Variants in ANXA2 observed in about 807,000 individuals in gnomAD.
The protein encoded by ANXA2 is annexin A2, also known as annexin II.
A neutral mutation model predicts 47.3 loss-of-function variants in ANXA2; 28 were observed. That is an observed-to-expected ratio of 0.59 (90% confidence interval 0.44 to 0.81). The LOEUF is 0.81. ANXA2 is among the 40% of genes least tolerant of loss of function. The pLI, the probability that ANXA2 is intolerant of heterozygous loss-of-function variation, is 0.00. For synonymous variants in ANXA2, 172 were observed against 155.5 expected, an observed-to-expected ratio of 1.11 and a Z score of -0.79; for missense variants, 384 against 414.3, an observed-to-expected ratio of 0.93 and a Z score of 0.64.
In ANXA2 at chr15:60,348,937, T is replaced by C. The variant is rs962486588; in HGVS notation, c.960+138A>G. On this transcript the variant is annotated intron_variant, in intron 12 of 12. Transcript: ENST00000451270. ...TGGTGCTTTCAAAATAAATCCCTGA[T>C]AGTTGATGACTAGCATCTCTTCCCC... is the stretch of plus-strand genomic sequence containing the variant. The C allele has an allele frequency of 2.6e-5, 24 of 909,640 alleles. No homozygotes were observed. In the African/African-American group the frequency reaches 3.6e-4, roughly 14 times the overall value. 56.3% of individuals were successfully genotyped at this position (909,640 alleles called of 1,614,324 possible). A position where few individuals can be genotyped will look rare whatever the true frequency, so the allele number is the denominator to read the frequency against.
chr15:60,369,581 G>C (rs1032086885), intron 3 of ANXA2, among the ~76,000 whole-genome samples: 4 of 152,172 alleles, frequency 2.6e-5, no homozygotes, highest in Non-Finnish European at 5.9e-5. Context: ...GTCAGAATGT[G>C]GTTCTTGGCC....
At chr15:60,393,301 G>C (rs1311397650) in intron 1 of ANXA2, 1 of 1,002,992 alleles carries the variant, frequency 1.0e-6, no homozygotes. Flanking sequence ...GGTTGGAGTG[G>C]GTGGAAAGAG....
intron 1 of ANXA2, chr15:60,394,590 T>G (rs1271673088): frequency 1.3e-5 from 2 of 151,938 alleles, no homozygotes; most frequent in Admixed American, 6.6e-5. Flanking sequence ...TCCCAGCTAC[T>G]CGGGAGGGTG....
At chr15:60,363,029 C>CTAAAAAAA (rs2062539612) in intron 4 of ANXA2, 1 of 74,034 alleles carries the variant, frequency 1.4e-5, no homozygotes, top group Non-Finnish European at 2.4e-5. Context: ...GACCCTGTCA[C>CTAAAAAAA]AAAAAAAAAA....
chr15:60,359,857 G>A (rs530412807), intron 5 of ANXA2, among the ~76,000 whole-genome samples: 1 of 152,306 alleles, frequency 6.6e-6, no homozygotes, highest in Admixed American at 6.5e-5. Context: ...ATCAGCAGAG[G>A]GCAGTGTCGG....
chr15:60,374,969 G>A (rs1044974758), intron 3 of ANXA2, among the ~76,000 whole-genome samples: 1 of 152,172 alleles, frequency 6.6e-6, no homozygotes, highest in Non-Finnish European at 1.5e-5. Flanking sequence ...GCAGCCCTCC[G>A]TTAGAGGAGA....
chr15:60,390,415 T>C (rs1480832845), intron 1 of ANXA2: 2 of 545,326 alleles, frequency 3.7e-6, no homozygotes, highest in African/African-American at 3.9e-5. Context: ...GTAAGAAGTG[T>C]GGCAAGCACC....
In ANXA2 at chr15:60,397,311, A is replaced by C. The variant is rs2140952672; in HGVS notation, c.-12+632T>G. The C allele has an allele frequency of 7.1e-6, 7 of 985,576 alleles. No homozygotes were observed. In the South Asian group the frequency reaches 2.3e-4, roughly 33 times the overall value. 61.1% of individuals were successfully genotyped at this position (985,576 alleles called of 1,614,324 possible). A position where few individuals can be genotyped will look rare whatever the true frequency, so the allele number is the denominator to read the frequency against. ...CGGGAAACTCTCCGGGTAGAGTGAA[A>C]TCCGAAGTTGCTATGCTACAAGATA... On this transcript the variant is annotated intron_variant, in intron 1 of 12. Transcript: ENST00000451270.
rs550800380 is a variant in ANXA2, at chr15:60,380,725, G to A, written c.148+1617C>T. Among the ~76,000 whole-genome samples, 456 of 142,436 alleles carry A rather than the reference G, an allele frequency of 3.2e-3. 2 individuals carry two copies. The highest frequency in any genetic ancestry group is 5.6e-3 in the South Asian group (25 of 4,486). 93.4% of individuals were successfully genotyped at this position (142,436 alleles called of 152,430 possible). A position where few individuals can be genotyped will look rare whatever the true frequency, so the allele number is the denominator to read the frequency against. ...AGGCTGAGGCAGAAGAATCACTTGA[G>A]CCCGGGAGGTGGAGGTTGCAGTGAG... On this transcript the variant is annotated intron_variant, in intron 3 of 12. Transcript: ENST00000451270.
chr15:60,376,679 T>A (rs995712018), intron 3 of ANXA2, among the ~76,000 whole-genome samples: 1 of 152,152 alleles, frequency 6.6e-6, no homozygotes, highest in African/African-American at 2.4e-5. Flanking sequence ...AGAGCAGGTG[T>A]GACTGACAGT....
intron 3 of ANXA2, among the ~76,000 whole-genome samples, chr15:60,380,266 G>A (rs1466943768): frequency 6.6e-6 from 1 of 152,008 alleles, no homozygotes; most frequent in Non-Finnish European, 1.5e-5. Flanking sequence ...ACTTTGATTA[G>A]CACCCCTTTA....
intron 3 of ANXA2, among the ~76,000 whole-genome samples, chr15:60,370,933 T>G (rs2140876022): frequency 6.6e-6 from 1 of 152,184 alleles, no homozygotes; most frequent in East Asian, 1.9e-4. Flanking sequence ...CACAAAGTCA[T>G]CTAAGCAAAG....
chr15:60,349,905 GGGGAAGGCAGGGAGGC>G (rs1895921703), intron 11 of ANXA2, among the ~76,000 whole-genome samples: 5 of 59,430 alleles, frequency 8.4e-5, no homozygotes, highest in Non-Finnish European at 1.1e-4. Flanking sequence ...CAGGGAGGCA[GGGGAAGGCAGGGAGGC>G]AGGGGAAGGC....
At chr15:60,367,854 T>C (rs182245707) in intron 3 of ANXA2, among the ~76,000 whole-genome samples, 71 of 27,306 alleles carry the variant, frequency 2.6e-3, no homozygotes, top group Middle Eastern at 0.019. Context: ...ACAATGGCAG[T>C]TTTGTGGAAT....
chr15:60,375,922 G>A (rs1244754149), intron 3 of ANXA2, among the ~76,000 whole-genome samples: 1 of 152,216 alleles, frequency 6.6e-6, no homozygotes, highest in Non-Finnish European at 1.5e-5. Flanking sequence ...AGGCTGAGAG[G>A]TAAATGGGAA....
At chr15:60,387,087 CG>C (rs2062943214) in intron 1 of ANXA2, 1 of 152,102 alleles carries the variant, frequency 6.6e-6, no homozygotes, top group Non-Finnish European at 1.5e-5. Context: ...ACTGGTTTGG[CG>C]AGAGTATGTG....
At chr15:60,387,852 T>C (rs892203857) in intron 1 of ANXA2, among the ~76,000 whole-genome samples, 1 of 152,190 alleles carries the variant, frequency 6.6e-6, no homozygotes, top group Non-Finnish European at 1.5e-5. Flanking sequence ...GCATTCTTTG[T>C]ATTTTCTATT....
At position 60,397,925 on chromosome 15, in the gene ANXA2, A is replaced by T; in HGVS notation, c.-12+18T>A. 7.5e-7 allele frequency: 1 copy of T among 1,327,902 alleles called. No individual in the cohort carries two copies. Among genetic ancestry groups the T allele is most frequent in the South Asian group, 2.0e-5 (1 of 50,228 alleles). 82.3% of individuals were successfully genotyped at this position (1,327,902 alleles called of 1,614,324 possible). A position where few individuals can be genotyped will look rare whatever the true frequency, so the allele number is the denominator to read the frequency against. ...AGCTGGCGGCCCATCGCGGGCGGGCAGGGCGCGCCCCGCTTACCTGGGCCG... is the reference window on the plus strand; with the variant it reads ...AGCTGGCGGCCCATCGCGGGCGGGCTGGGCGCGCCCCGCTTACCTGGGCCG... On this transcript the variant is annotated intron_variant, in intron 1 of 12. Transcript: ENST00000451270.
At chr15:60,378,339 A>G (rs1021233295) in intron 3 of ANXA2, among the ~76,000 whole-genome samples, 3 of 152,198 alleles carry the variant, frequency 2.0e-5, no homozygotes, top group African/African-American at 7.2e-5. Context: ...GTTGAAAATT[A>G]TTGACAAACT....
Sources: gnomAD v4.1 joint callset for allele counts (sites outside exome capture counted in the v4.1 genomes callset) on GRCh38, gnomAD v4.1.1 for gene constraint, MANE v1.5 for transcripts, NCBI Gene and HGNC (gene_info 2026-07-23, HGNC 2026-07-21) for gene names.